The following BABAM2 variants were observed in gnomAD, a reference collection of about 807,000 sequenced individuals.
The protein encoded by BABAM2 is BRISC and BRCA1-A complex member 2.
BABAM2 carries 31 observed loss-of-function variants against 54.7 expected under a neutral mutation model. That is an observed-to-expected ratio of 0.57 (90% CI 0.43 to 0.77). BABAM2 has a LOEUF of 0.77. Ranked by LOEUF, BABAM2 falls within the 30% of genes least tolerant of loss-of-function variation. The pLI, the probability that BABAM2 is intolerant of heterozygous loss-of-function variation, is 0.00. For synonymous variants in BABAM2, 167 were observed against 162.9 expected, an observed-to-expected ratio of 1.03 and a Z score of -0.19; for missense variants, 364 against 455.8, an observed-to-expected ratio of 0.80 and a Z score of 1.83.
intron 7 of BABAM2, among the ~76,000 whole-genome samples, chr2:28,201,192 A>AT (rs1553339759): frequency 6.6e-6 from 1 of 151,856 alleles, no homozygotes; most frequent in Non-Finnish European, 1.5e-5. Flanking sequence ...ATTGTTTTTT[A>AT]TTTTTTTTAG....
rs533382816 is a variant in BABAM2, at chr2:28,111,125, C to A, written c.571-18146C>A. On this transcript the variant is annotated intron_variant, in intron 6 of 11. Transcript: ENST00000379624. ...CTGGGATTACAGGCCTGCACCACCACGCCTGGCTATTTTTTTTTTTTTTTG... is the reference window on the plus strand; with the variant it reads ...CTGGGATTACAGGCCTGCACCACCAAGCCTGGCTATTTTTTTTTTTTTTTG... Among the ~76,000 whole-genome samples, 4 of 150,614 alleles carry A rather than the reference C, an allele frequency of 2.7e-5. No homozygotes were observed. In the East Asian group the frequency reaches 5.8e-4, roughly 22 times the overall value.
At chr2:27,981,840 A>T (rs1242365552) in intron 3 of BABAM2, among the ~76,000 whole-genome samples, 2 of 152,120 alleles carry the variant, frequency 1.3e-5, no homozygotes, top group Non-Finnish European at 2.9e-5. Flanking sequence ...TTGTGTGGAC[A>T]TGTCTTCACT....
chr2:28,152,702 A>G (rs1392062881), intron 7 of BABAM2, among the ~76,000 whole-genome samples: 1 of 152,170 alleles, frequency 6.6e-6, no homozygotes, highest in African/African-American at 2.4e-5. Flanking sequence ...ATACCTGAAT[A>G]CCAAAGCCAA....
chr2:27,926,904 A>G (rs1006357047), intron 2 of BABAM2, among the ~76,000 whole-genome samples: 3 of 152,202 alleles, frequency 2.0e-5, no homozygotes, highest in Non-Finnish European at 1.5e-5. Flanking sequence ...GGTAATTAGC[A>G]TATCCTCATC....
At chr2:28,071,085 A>G (rs1354062172) in intron 6 of BABAM2, among the ~76,000 whole-genome samples, 5 of 151,938 alleles carry the variant, frequency 3.3e-5, no homozygotes, top group Non-Finnish European at 7.4e-5. Context: ...CCTTCTCTCC[A>G]TGTGCCCCAT....
chr2:28,314,650 A>G (rs1689359794), intron 11 of BABAM2, among the ~76,000 whole-genome samples: 1 of 152,250 alleles, frequency 6.6e-6, no homozygotes, highest in Admixed American at 6.5e-5. Flanking sequence ...TACGATGTTA[A>G]GTGATGTGTA....
At chr2:28,169,691 A>G (rs930723660) in intron 7 of BABAM2, among the ~76,000 whole-genome samples, 1 of 151,874 alleles carries the variant, frequency 6.6e-6, no homozygotes, top group African/African-American at 2.4e-5. Context: ...CAGGAGGATC[A>G]CTTGAGTCCA....
At chr2:28,210,969 G>C (rs570611016) in intron 7 of BABAM2, among the ~76,000 whole-genome samples, 1 of 152,220 alleles carries the variant, frequency 6.6e-6, no homozygotes, top group Non-Finnish European at 1.5e-5. Flanking sequence ...CCTTATGCAA[G>C]TAAAGGCCAG....
intron 7 of BABAM2, among the ~76,000 whole-genome samples, chr2:28,173,860 G>A (rs1410740774): frequency 6.6e-6 from 1 of 152,170 alleles, no homozygotes. Flanking sequence ...GTTGGTACAT[G>A]ACCTTTGAGT....
intron 3 of BABAM2, among the ~76,000 whole-genome samples, chr2:27,934,794 C>A (rs1365523165): frequency 6.6e-6 from 1 of 152,172 alleles, no homozygotes; most frequent in African/African-American, 2.4e-5. Flanking sequence ...TCCCTTAAGC[C>A]AAAGCCTAAT....
intron 3 of BABAM2, among the ~76,000 whole-genome samples, chr2:27,934,516 G>C (rs919418038): frequency 6.6e-6 from 1 of 152,200 alleles, no homozygotes; most frequent in African/African-American, 2.4e-5. Context: ...TCCTCTAAGT[G>C]TTCAAGTGAA....
chr2:28,130,321 C>A (rs1483224490), intron 7 of BABAM2, among the ~76,000 whole-genome samples: 1 of 152,098 alleles, frequency 6.6e-6, no homozygotes, highest in Non-Finnish European at 1.5e-5. Flanking sequence ...TCTTAAAAAC[C>A]AATATGACAC....
intron 5 of BABAM2, 147 bp downstream of exon 5, chr2:28,025,567 G>T (rs1675593564): frequency 2.6e-6 from 2 of 756,366 alleles, no homozygotes; most frequent in South Asian, 2.8e-5. Context: ...AGTTTAAAGA[G>T]ACCTTAATGT....
At chr2:28,187,731 C>T (rs967331993) in intron 7 of BABAM2, among the ~76,000 whole-genome samples, 5 of 132,622 alleles carry the variant, frequency 3.8e-5, no homozygotes, top group Non-Finnish European at 7.6e-5. Flanking sequence ...TGCAGTGGTA[C>T]GATCTTGACT....
chr2:27,983,181 T>C (rs1461235191), intron 3 of BABAM2, among the ~76,000 whole-genome samples: 1 of 152,112 alleles, frequency 6.6e-6, no homozygotes, highest in Non-Finnish European at 1.5e-5. Flanking sequence ...TTGTTATTTT[T>C]TTGTTTGATA....
intron 3 of BABAM2, among the ~76,000 whole-genome samples, chr2:27,962,591 A>G (rs1670549157): frequency 6.6e-6 from 1 of 152,348 alleles, no homozygotes; most frequent in Admixed American, 6.5e-5. Flanking sequence ...TTTGATTTAA[A>G]TAAGTACCCA....
At chr2:28,097,982 C>A (rs990186498) in intron 6 of BABAM2, among the ~76,000 whole-genome samples, 10 of 152,006 alleles carry the variant, frequency 6.6e-5, no homozygotes, top group Non-Finnish European at 1.2e-4. Flanking sequence ...TAAAATAATT[C>A]TTCTTTTGTA....
chr2:28,297,354 A>G (rs768709792), intron 10 of BABAM2, among the ~76,000 whole-genome samples: 2 of 152,252 alleles, frequency 1.3e-5, no homozygotes, highest in Non-Finnish European at 2.9e-5. Flanking sequence ...CTGTAAATCT[A>G]GAAAATTCTA....
At chr2:28,129,238 G>T (rs766330226) in intron 6 of BABAM2, 33 bp from the exon 7 acceptor site, 1 of 1,555,708 alleles carries the variant, frequency 6.4e-7, no homozygotes, top group East Asian at 2.2e-5. Context: ...AGGAGAACAG[G>T]TGCTGATGTT....
Sources: allele counts gnomAD v4.1 joint callset (sites outside exome capture counted in the v4.1 genomes callset), GRCh38; gene constraint gnomAD v4.1.1; transcripts MANE v1.5; gene names NCBI Gene and HGNC (gene_info 2026-07-23, HGNC 2026-07-21).